Variants in APOOL observed in about 807,000 individuals in gnomAD.
APOOL encodes MICOS complex subunit MIC27.
APOOL carries 12 observed loss-of-function variants against 23.1 expected under a neutral mutation model. That is an observed-to-expected ratio of 0.52 (90% CI 0.33 to 0.84). The LOEUF is 0.84. Among genes scored for constraint, APOOL ranks in the 40% least tolerant of loss-of-function variants. APOOL has a pLI of 0.02. For missense variants in APOOL, 212 were observed against 199.6 expected (o/e 1.06, Z -0.37); for synonymous variants, 77 against 69.9 (o/e 1.10, Z -0.51).
chrX:85,054,710 T>TTGCCATTTTACAGATGAGGGCAACCTAC (rs1922901704), intron 4 of APOOL, among the ~76,000 whole-genome samples: 1 of 110,708 alleles, frequency 9.0e-6, no homozygotes, highest in Non-Finnish European at 1.9e-5. Flanking sequence ...GCAACTGAGG[T>TTGCCATTTTACAGATGAGGGCAACCTAC]TTAGGAAGGT....
chrX:85,075,028 GACAATGTATTCATA>G (rs1923792564), intron 8 of APOOL, among the ~76,000 whole-genome samples: 2 of 110,026 alleles, frequency 1.8e-5, no homozygotes, highest in South Asian at 7.7e-4. Flanking sequence ...ATACCATTTT[GACAATGTATTCATA>G]TTGATTTGCA....
At position 85,015,385 on chromosome X, in the gene APOOL, G is replaced by A. The variant is rs113569158; in HGVS notation, c.15+11458G>A. On this transcript the variant is annotated intron_variant, in intron 1 of 8. Transcript: ENST00000373173. The stretch of plus-strand genomic sequence containing the variant: ...TGGGGAGCTCGTGTGATTATTTGGG[G>A]GTGTTATAGAACCCTGTATTGTCAT... Among the ~76,000 whole-genome samples, 716 of 109,493 alleles carry A rather than the reference G, an allele frequency of 6.5e-3. 6 individuals are homozygous for A. Among genetic ancestry groups the A allele is most frequent in the African/African-American group, 0.023 (688 of 30,253 alleles).
intron 1 of APOOL, among the ~76,000 whole-genome samples, chrX:85,046,028 CTT>C (rs1352468918): frequency 9.0e-6 from 1 of 110,861 alleles, no homozygotes; most frequent in Non-Finnish European, 1.9e-5. Flanking sequence ...GAACAGGAAT[CTT>C]TGTTTTGTTC....
chrX:85,005,883 G>C (rs997387407), intron 1 of APOOL, among the ~76,000 whole-genome samples: 39 of 111,836 alleles, frequency 3.5e-4, no homozygotes, highest in African/African-American at 1.3e-3. Flanking sequence ...CAGAAGGAAT[G>C]GTCAGTGGCA....
At position 85,008,045 on chromosome X, in the gene APOOL, G is replaced by A. The variant is rs780504107; in HGVS notation, c.15+4118G>A. 5.4e-5 allele frequency among the ~76,000 whole-genome samples: 6 copies of A among 111,447 alleles called. No individual in the cohort carries two copies. The East Asian group carries it at 1.7e-3, about 32-fold the overall frequency. ...TAGCTATTAAGACGTTCTAGGGAAT[G>A]GTAAATTCAAGATGTCCCCAGGGAA... On this transcript the variant is annotated intron_variant, in intron 1 of 8. Coordinates refer to ENST00000373173, the MANE Select transcript of APOOL (RefSeq NM_198450.6).
At chrX:85,039,050 A>G (rs911448502) in intron 1 of APOOL, among the ~76,000 whole-genome samples, 2 of 110,103 alleles carry the variant, frequency 1.8e-5, no homozygotes, top group Admixed American at 9.7e-5. Flanking sequence ...AGTGCTATAA[A>G]CTTTCCTCTT....
rs769147903 is a variant in APOOL at position 85,071,902 on chromosome X, G to C, written c.487-2096G>C. On this transcript the variant is annotated intron_variant, in intron 6 of 8. Transcript: ENST00000373173. ...GAGGTCAGGAGATCGAGACCATCCT[G>C]GCTAACACGGTGAAACCCCGTCTCT... Among the ~76,000 whole-genome samples, 137 of 111,948 alleles carry C rather than the reference G, an allele frequency of 1.2e-3. 3 individuals are homozygous for C. The highest frequency in any genetic ancestry group is 3.8e-4 in the Non-Finnish European group (20 of 53,177).
intron 1 of APOOL, among the ~76,000 whole-genome samples, chrX:85,028,951 G>A (rs1921938949): frequency 9.0e-6 from 1 of 111,384 alleles, no homozygotes; most frequent in Non-Finnish European, 1.9e-5. Flanking sequence ...GGACACTTAG[G>A]TTGTTTCCAA....
At chrX:85,038,406 A>G (rs1436958072) in intron 1 of APOOL, among the ~76,000 whole-genome samples, 1 of 110,316 alleles carries the variant, frequency 9.1e-6, no homozygotes, top group Non-Finnish European at 1.9e-5. Flanking sequence ...TGCTAGCCTC[A>G]TAGAATGAGT....
At chrX:85,014,310 C>T (rs1921390851) in intron 1 of APOOL, among the ~76,000 whole-genome samples, 1 of 111,475 alleles carries the variant, frequency 9.0e-6, no homozygotes, top group Non-Finnish European at 1.9e-5. Flanking sequence ...AGGCCATTTA[C>T]TATCAGCGTT....
At chrX:85,077,272 A>C (rs1342236103) in intron 8 of APOOL, among the ~76,000 whole-genome samples, 6 of 103,875 alleles carry the variant, frequency 5.8e-5, no homozygotes, top group African/African-American at 2.1e-4. Flanking sequence ...CCCACCCCAC[A>C]ACAGGCCCCT....
chrX:85,077,130 A>C (rs1923886863), intron 8 of APOOL, among the ~76,000 whole-genome samples: 1 of 102,377 alleles, frequency 9.8e-6, no homozygotes, highest in South Asian at 4.4e-4. Flanking sequence ...ATTATACTTT[A>C]AGTTCTAGGG....
chrX:85,066,256 T>G (rs920026850), intron 5 of APOOL, among the ~76,000 whole-genome samples: 10 of 111,902 alleles, frequency 8.9e-5, no homozygotes, highest in African/African-American at 3.3e-4. Flanking sequence ...AGCGTTTAAC[T>G]TACATATTAT....
chrX:85,060,297 G>A (rs1310795813), intron 5 of APOOL, among the ~76,000 whole-genome samples: 1 of 105,904 alleles, frequency 9.4e-6, no homozygotes, highest in Admixed American at 1.0e-4. Flanking sequence ...AGTATAGTTT[G>A]AAGTCAGGTA....
chrX:85,033,296 A>G (rs1922106781), intron 1 of APOOL, among the ~76,000 whole-genome samples: 1 of 112,145 alleles, frequency 8.9e-6, no homozygotes, highest in Non-Finnish European at 1.9e-5. Flanking sequence ...TTGCTATTAT[A>G]TTAGACCACA....
intron 1 of APOOL, among the ~76,000 whole-genome samples, chrX:85,019,448 T>A (rs1921585243): frequency 8.9e-6 from 1 of 112,271 alleles, no homozygotes; most frequent in African/African-American, 3.2e-5. Flanking sequence ...CCTTGATATG[T>A]GACTTTCCAG....
Position 85,058,795 on chromosome X carries a change from G to C in APOOL, c.394+2870G>C, listed in dbSNP as rs372777824. On this transcript the variant is annotated intron_variant, in intron 5 of 8. Coordinates refer to ENST00000373173, the MANE Select transcript of APOOL (RefSeq NM_198450.6). ...TGGTGTGAGAGATTATCTCATTGTGGTTTTGATTTGCATTTCTCTGATGAT... is the reference window on the plus strand; with the variant it reads ...TGGTGTGAGAGATTATCTCATTGTGCTTTTGATTTGCATTTCTCTGATGAT... 1.5e-4 allele frequency among the ~76,000 whole-genome samples: 17 copies of C among 111,100 alleles called. No homozygotes were observed. In the South Asian group the frequency reaches 2.3e-3, roughly 15 times the overall value.
Position 85,088,329 on chromosome X carries a change from T to TG in APOOL, c.*651_*652insG, listed in dbSNP as rs1467388905. 1.3e-5 allele frequency: 1 copy of TG among 79,422 alleles called. No individual in the cohort carries two copies. The highest frequency in any genetic ancestry group is 5.0e-5 in the African/African-American group (1 of 20,125). 6.5% of individuals were successfully genotyped at this position (79,422 alleles called of 1,213,427 possible). On this transcript the variant is annotated 3_prime_UTR_variant, in exon 9 of 9. Transcript: ENST00000373173. ...GTGTTTCCCTCTGTTTTTTTTTTTT[T>TG]TTTTTTTTTTTTTTTTCCCATTTCC...
At chrX:85,049,335 C>T (rs1485596574) in intron 2 of APOOL, among the ~76,000 whole-genome samples, 2 of 111,549 alleles carry the variant, frequency 1.8e-5, no homozygotes, top group African/African-American at 3.3e-5. Flanking sequence ...TCATCATAAA[C>T]GTTTCAACTA....
Sources: gnomAD v4.1 joint callset for allele counts (sites outside exome capture counted in the v4.1 genomes callset) on GRCh38, gnomAD v4.1.1 for gene constraint, MANE v1.5 for transcripts, NCBI Gene and HGNC (gene_info 2026-07-23, HGNC 2026-07-21) for gene names.